Variants in REM2 observed in about 807,000 individuals in gnomAD.
REM2 encodes the protein GTP-binding protein REM 2.
Under a neutral mutation model 24.4 loss-of-function variants are expected in REM2, and 24 were observed. The ratio of observed to expected loss-of-function variants is 0.98; its 90% CI spans 0.71 to 1.38. The LOEUF (loss-of-function observed/expected upper bound fraction) is 1.38, where lower values mean the gene tolerates loss of function less well. Among genes scored for constraint, REM2 ranks in the 40% most tolerant of loss-of-function variants. The pLI, the probability that REM2 is intolerant of heterozygous loss-of-function variation, is 0.00. For synonymous variants in REM2, 187 were observed against 198.0 expected (o/e 0.94, Z 0.47); for missense variants, 429 against 467.8 (o/e 0.92, Z 0.77).
In REM2 at chr14:22,886,465, C is replaced by CCCA. The variant is rs1404024277; in HGVS notation, c.728-145_728-143dup. 7.4e-5 allele frequency: 58 copies of CCCA among 787,488 alleles called. No homozygotes were observed. Among genetic ancestry groups the CCCA allele is most frequent in the Middle Eastern group, 3.7e-4 (1 of 2,710 alleles). 48.8% of individuals were successfully genotyped at this position (787,488 alleles called of 1,614,324 possible). On this transcript the variant is annotated intron_variant, in intron 4 of 4. Transcript: ENST00000267396. This position sits in a 1 kb window ranked among gnomAD's most constrained non-coding sequence, Gnocchi z 5.9. ...TCCCTCTCCTTCGCACCTCCACAGA[C>CCCA]CCACCATATGAGCTCAGCCATGTTC...
chr14:22,885,101 A>C, intron 2 of REM2, 86 bp downstream of exon 2: 1 of 1,431,742 alleles, frequency 7.0e-7, no homozygotes, highest in Non-Finnish European at 9.4e-7. Flanking sequence ...CAGCCCCTGA[A>C]GGACAGAGCT....
intron 2 of REM2, 108 bp from the exon 3 acceptor site, chr14:22,885,158 G>C (rs2138809380): frequency 7.3e-7 from 1 of 1,371,154 alleles, no homozygotes; most frequent in Admixed American, 2.0e-5. Flanking sequence ...CCCTGAAGAG[G>C]GGCAGGGTTC....
rs1286471654 is a variant in REM2 at position 22,886,882 on chromosome 14, G to C, written c.996G>C (p.Arg332Ser). Residue 332 changes from arginine to serine, a missense_variant, in exon 5 of 5, where the codon AGG (arginine) becomes AGC (serine). Arg to Ser is a moderately radical substitution (Grantham distance 110, BLOSUM62 -1). Coordinates refer to ENST00000267396, the MANE Select transcript of REM2 (RefSeq NM_173527.3). This position sits in a 1 kb window ranked among gnomAD's most constrained non-coding sequence, Gnocchi z 5.9. Reference protein sequence around the residue: ...RNAKFFKQRSRSCHDLSVL With the variant: ...RNAKFFKQRSSSCHDLSVL Reference sequence around the variant, plus strand: ...CCAAGTTCTTCAAGCAGCGCTCCAGGTCGTGTCACGACCTCTCGGTGCTCT... The same window carrying C: ...CCAAGTTCTTCAAGCAGCGCTCCAGCTCGTGTCACGACCTCTCGGTGCTCT... 1.3e-6 allele frequency: 2 copies of C among 1,535,386 alleles called. No individual in the cohort carries two copies. The highest frequency in any genetic ancestry group is 1.8e-6 in the Non-Finnish European group (2 of 1,140,668).
rs1230222239 is a variant in REM2 at position 22,887,092 on chromosome 14, C to T, written c.*183C>T. The T allele has an allele frequency of 4.4e-6, 2 of 459,508 alleles. No homozygotes were observed. The highest frequency in any genetic ancestry group is 2.0e-5 in the African/African-American group (1 of 49,078). The allele number at this position is 459,508 out of a possible 1,614,324, so 28.5% of individuals were successfully genotyped here. The stretch of plus-strand genomic sequence containing the variant: ...GGGCCGCTCGGCGGCACCTCCACAC[C>T]CGCCCCAACGCGTTCTCTGGAGCTT... On this transcript the variant is annotated 3_prime_UTR_variant, in exon 5 of 5. Coordinates refer to ENST00000267396, the MANE Select transcript of REM2 (RefSeq NM_173527.3).
chr14:22,887,067 GGGC>G lies in REM2; in HGVS notation c.*159_*161del. On this transcript the variant is annotated 3_prime_UTR_variant, in exon 5 of 5. Coordinates refer to ENST00000267396, the MANE Select transcript of REM2 (RefSeq NM_173527.3). ...CGGTGTGACCGCCGGGGGCGGCCCG[GGGC>G]CGCTCGGCGGCACCTCCACACCCGC... is the stretch of plus-strand genomic sequence containing the variant. 2 of 580,830 alleles carry G rather than the reference GGGC, an allele frequency of 3.4e-6. No homozygotes were observed. Among genetic ancestry groups the G allele is most frequent in the Non-Finnish European group, 5.5e-6 (2 of 366,492 alleles). The allele number at this position is 580,830 out of a possible 1,614,324, so 36.0% of individuals were successfully genotyped here.
Position 22,886,962 on chromosome 14 carries a change from GC to G in REM2, c.*60del. The G allele has an allele frequency of 4.6e-6, 6 of 1,296,988 alleles. No homozygotes were observed. Among genetic ancestry groups the G allele is most frequent in the Non-Finnish European group, 6.1e-6 (6 of 990,994 alleles). 80.3% of individuals were successfully genotyped at this position (1,296,988 alleles called of 1,614,324 possible). ...GCCATGGTCACCGCGCCCTCCGCTC[GC>G]CCCCCCTCGCCCCGCCCCGCCCCCG... is the stretch of plus-strand genomic sequence containing the variant. On this transcript the variant is annotated 3_prime_UTR_variant, in exon 5 of 5. Coordinates refer to ENST00000267396, the MANE Select transcript of REM2 (RefSeq NM_173527.3). The surrounding 1 kb of genome is among the most constrained non-coding windows in gnomAD (Gnocchi z 5.9).
chr14:22,884,367 G>T, intron 1 of REM2: 3 of 985,464 alleles, frequency 3.0e-6, no homozygotes, highest in Non-Finnish European at 3.6e-6. Context: ...GTTTGCCTGT[G>T]TATCAGTGTA....
chr14:22,886,905 T>G lies in REM2; in HGVS notation c.1019T>G (p.Leu340Arg). 1 of 1,478,248 alleles carries G rather than the reference T, an allele frequency of 6.8e-7. No homozygotes were observed. Among genetic ancestry groups the G allele is most frequent in the Non-Finnish European group, 9.0e-7 (1 of 1,111,808 alleles). 91.6% of individuals were successfully genotyped at this position (1,478,248 alleles called of 1,614,324 possible). A position where few individuals can be genotyped will look rare whatever the true frequency, so the allele number is the denominator to read the frequency against. Reference protein sequence around the residue: ...RSRSCHDLSVL With the variant: ...RSRSCHDLSVR ...AGGTCGTGTCACGACCTCTCGGTGC[T>G]CTGAGCCGCGGTCGCCATGGCCACT... The change falls in exon 5 of 5, where the codon CTC becomes CGC. Residue 340 changes from leucine to arginine, a missense_variant. Physicochemically the swap from Leu to Arg is moderately radical, Grantham distance 102. Transcript: ENST00000267396. This position sits in a 1 kb window ranked among gnomAD's most constrained non-coding sequence, Gnocchi z 5.9.
intron 1 of REM2, among the ~76,000 whole-genome samples, chr14:22,883,899 T>TCACACACACA (rs35170959): frequency 6.8e-6 from 1 of 147,460 alleles, no homozygotes; most frequent in South Asian, 2.2e-4. Context: ...TCCCTTTCGC[T>TCACACACACA]CACACACACA....
In REM2 at chr14:22,887,215, G is replaced by A. The variant is rs2040139546; in HGVS notation, c.*306G>A. The A allele has an allele frequency of 3.1e-6, 1 of 321,808 alleles. No homozygotes were observed. 19.9% of individuals were successfully genotyped at this position (321,808 alleles called of 1,614,324 possible). On this transcript the variant is annotated 3_prime_UTR_variant, in exon 5 of 5. Transcript: ENST00000267396. Reference sequence around the variant, plus strand: ...GTCGGGAAGAAAAATAATTCTGCAAGGTATTTTGTTTTTTATTAATTCGCG... The same window carrying A: ...GTCGGGAAGAAAAATAATTCTGCAAAGTATTTTGTTTTTTATTAATTCGCG...
At position 22,886,718 on chromosome 14, in the gene REM2, C is replaced by T; in HGVS notation, c.832C>T (p.Arg278Trp). 1 of 1,515,278 alleles carries T rather than the reference C, an allele frequency of 6.6e-7. No homozygotes were observed. Among genetic ancestry groups the T allele is most frequent in the Non-Finnish European group, 8.8e-7 (1 of 1,132,736 alleles). The allele number at this position is 1,515,278 out of a possible 1,614,324, so 93.9% of individuals were successfully genotyped here. Reference sequence around the variant, plus strand: ...CTTCGAGGGCGCGGTGCGCCAGATCCGGCTGCGGCGGGGCCGAAACCACGC... The same window carrying T: ...CTTCGAGGGCGCGGTGCGCCAGATCTGGCTGCGGCGGGGCCGAAACCACGC... ...ELFEGAVRQI[R>W]LRRGRNHAGG... Residue 278 changes from arginine to tryptophan, a missense_variant, in exon 5 of 5, where the codon CGG becomes TGG. By Grantham distance (101) the Arg-to-Trp change is moderately radical. Coordinates refer to ENST00000267396, the MANE Select transcript of REM2 (RefSeq NM_173527.3). The surrounding 1 kb of genome is among the most constrained non-coding windows in gnomAD (Gnocchi z 5.9).
chr14:22,885,068 G>A (rs1453766166), intron 2 of REM2, 53 bp downstream of exon 2: 209 of 1,502,842 alleles, frequency 1.4e-4, no homozygotes, highest in Non-Finnish European at 5.3e-6. Flanking sequence ...CCTGGTCAGG[G>A]AAGGAAGTGC....
chr14:22,884,732 C>T lies in REM2; in HGVS notation c.162C>T (p.Ser54=), dbSNP rs774659268. Residue 54 remains serine (S), a synonymous_variant, in exon 2 of 5, where the codon AGC becomes AGT. Transcript: ENST00000267396. The part of the protein sequence containing the change: ...SEKLLAELDR[S]GLPSAPGAPR... ...AACTGTTGGCAGAGTTGGACCGGAG[C>T]GGGTTACCCTCTGCCCCTGGGGCCC... 8 of 1,613,440 alleles carry T rather than the reference C, an allele frequency of 5.0e-6. No individual in the cohort carries two copies. The highest frequency in any genetic ancestry group is 4.0e-5 in the African/African-American group (3 of 74,894).
Position 22,883,283 on chromosome 14 carries a change from C to A in REM2, c.-5C>A. ...ACACGCACACGCACACGCACACGCA[C>A]ACTGATGCACACGGACCTGGACACA... On this transcript the variant is annotated 5_prime_UTR_variant, in exon 1 of 5. Coordinates refer to ENST00000267396, the MANE Select transcript of REM2 (RefSeq NM_173527.3). The A allele has an allele frequency of 7.0e-7, 1 of 1,436,672 alleles. No individual in the cohort carries two copies. The highest frequency in any genetic ancestry group is 9.6e-7 in the Non-Finnish European group (1 of 1,042,022). 89.0% of individuals were successfully genotyped at this position (1,436,672 alleles called of 1,614,324 possible). A position where few individuals can be genotyped will look rare whatever the true frequency, so the allele number is the denominator to read the frequency against.
At chr14:22,885,585 GC>G (rs1235887434) in intron 3 of REM2, among the ~76,000 whole-genome samples, 3 of 152,162 alleles carry the variant, frequency 2.0e-5, no homozygotes, top group Non-Finnish European at 4.4e-5. Flanking sequence ...AAACCCTGCA[GC>G]TCCAAGCTAG....
intron 1 of REM2, chr14:22,884,154 A>G: frequency 1.0e-6 from 1 of 985,304 alleles, no homozygotes; most frequent in Non-Finnish European, 1.2e-6. Context: ...CCTAGGAAGA[A>G]GCTCACTACA....
intron 3 of REM2, among the ~76,000 whole-genome samples, chr14:22,885,823 C>T (rs2040119760): frequency 6.6e-6 from 1 of 152,150 alleles, no homozygotes; most frequent in African/African-American, 2.4e-5. Context: ...GGATGGCTAC[C>T]CTAGTCTAGG....
At position 22,883,378 on chromosome 14, in the gene REM2, A is replaced by G. The variant is rs1440524193; in HGVS notation, c.91A>G (p.Thr31Ala). The G allele has an allele frequency of 6.4e-7, 1 of 1,553,918 alleles. No individual in the cohort carries two copies. Residue 31 changes from threonine to alanine, a missense_variant, in exon 1 of 5, where the codon ACG becomes GCG. By Grantham distance (58) the Thr-to-Ala change is moderately conservative. Transcript: ENST00000267396. ...SGSRRASPPG[T>A]PTPEADATLL... ...CAGCCGCCGGGCCTCCCCTCCAGGG[A>G]CGCCCACACCAGGTGAGGGCTAACC...
In REM2 at chr14:22,887,418, G is replaced by A. The variant is rs2040141582; in HGVS notation, c.*509G>A. Reference sequence around the variant, plus strand: ...CAGGGACCTTCCCGAAAACGTTCTGGCTCTCATCTGGTGCGGCATGTGTCC... The same window carrying A: ...CAGGGACCTTCCCGAAAACGTTCTGACTCTCATCTGGTGCGGCATGTGTCC... On this transcript the variant is annotated 3_prime_UTR_variant, in exon 5 of 5. Transcript: ENST00000267396. The A allele has an allele frequency of 6.6e-6, 1 of 152,132 alleles. No homozygotes were observed. 9.4% of individuals were successfully genotyped at this position (152,132 alleles called of 1,614,324 possible). A position where few individuals can be genotyped will look rare whatever the true frequency, so the allele number is the denominator to read the frequency against.
Sources: allele counts gnomAD v4.1 joint callset (sites outside exome capture counted in the v4.1 genomes callset), GRCh38; gene constraint gnomAD v4.1.1; non-coding constraint Gnocchi (gnomAD v3.1); transcripts MANE v1.5; gene names NCBI Gene and HGNC (gene_info 2026-07-23, HGNC 2026-07-21).